The following DLGAP2 variants were observed in gnomAD, a reference collection of about 807,000 sequenced individuals.
DLGAP2 encodes the protein disks large-associated protein 2.
DLGAP2 carries 26 observed loss-of-function variants against 100.3 expected under a neutral mutation model. That is an observed-to-expected ratio of 0.26 (90% confidence interval 0.19 to 0.36). DLGAP2 has a LOEUF of 0.36. Ranked by LOEUF, DLGAP2 falls within the 10% of genes least tolerant of loss-of-function variation. DLGAP2 has a pLI of 1.00. For synonymous variants in DLGAP2, 886 were observed against 630.1 expected, an observed-to-expected ratio of 1.41 and a Z score of -6.08; for missense variants, 1,858 against 1,453.2, an observed-to-expected ratio of 1.28 and a Z score of -4.53.
At chr8:1,195,668 TTTG>T (rs141927508) in intron 2 of DLGAP2, among the ~76,000 whole-genome samples, 2,861 of 152,312 alleles carry the variant, frequency 0.019, 43 homozygotes, top group Middle Eastern at 0.034. Flanking sequence ...TCTCTTCTTT[TTTG>T]TTTATGGACG....
rs116716460 is a variant in DLGAP2, at chr8:1,199,631, G to A, written c.74-59220G>A. On this transcript the variant is annotated intron_variant, in intron 2 of 14. Coordinates refer to ENST00000637795, the MANE Select transcript of DLGAP2 (RefSeq NM_001346810.2). ...CCAAACTCATGCCAGCCAGATGGGC[G>A]CTAGAAAGTGAATGCTGTCCTTTTA... is the stretch of plus-strand genomic sequence containing the variant. Among the ~76,000 whole-genome samples, 1,243 of 152,256 alleles carry A rather than the reference G, an allele frequency of 8.2e-3. 16 individuals are homozygous for A. Among genetic ancestry groups the A allele is most frequent in the African/African-American group, 0.028 (1,171 of 41,548 alleles).
At chr8:1,504,972 G>T (rs771907554) in intron 4 of DLGAP2, among the ~76,000 whole-genome samples, 4 of 152,038 alleles carry the variant, frequency 2.6e-5, no homozygotes, top group Non-Finnish European at 5.9e-5. Flanking sequence ...CATATGAAAG[G>T]ATAATTAAGA....
intron 1 of DLGAP2, among the ~76,000 whole-genome samples, chr8:794,844 A>G (rs759145087): frequency 4.6e-4 from 70 of 151,954 alleles, no homozygotes; most frequent in Non-Finnish European, 8.2e-4. Flanking sequence ...TGAGGTTGGG[A>G]TGAACTGTTT....
intron 3 of DLGAP2, among the ~76,000 whole-genome samples, chr8:1,337,668 A>C (rs1347632444): frequency 1.3e-5 from 2 of 152,136 alleles, no homozygotes; most frequent in East Asian, 3.9e-4. Flanking sequence ...ATGTGACACC[A>C]AAAGCATAAG....
At chr8:1,589,473 G>T (rs1236746834) in intron 6 of DLGAP2, among the ~76,000 whole-genome samples, 1 of 152,162 alleles carries the variant, frequency 6.6e-6, no homozygotes, top group Non-Finnish European at 1.5e-5. Context: ...GTCTTGCTGT[G>T]TTGCCCAGGC....
At chr8:1,062,618 C>A (rs183057509) in intron 2 of DLGAP2, among the ~76,000 whole-genome samples, 2 of 152,162 alleles carry the variant, frequency 1.3e-5, no homozygotes, top group African/African-American at 2.4e-5. Context: ...CGCTTTCCCT[C>A]GATACTTTGC....
intron 3 of DLGAP2, among the ~76,000 whole-genome samples, chr8:1,320,149 C>T (rs1384359915): frequency 1.3e-5 from 2 of 152,034 alleles, no homozygotes; most frequent in Non-Finnish European, 2.9e-5. Flanking sequence ...AGGGGACGGC[C>T]TGTGTTCCAG....
intron 7 of DLGAP2, among the ~76,000 whole-genome samples, chr8:1,630,814 G>A (rs189220833): frequency 2.2e-3 from 337 of 152,176 alleles, no homozygotes; most frequent in Non-Finnish European, 3.9e-3. Context: ...TGTCCATGCC[G>A]TTTCCTCCTT....
chr8:1,610,111 A>G (rs1362716425), intron 6 of DLGAP2, among the ~76,000 whole-genome samples: 2 of 151,902 alleles, frequency 1.3e-5, no homozygotes, highest in South Asian at 4.2e-4. Flanking sequence ...CACCACACCT[A>G]TTCCAAAATT....
At chr8:1,590,209 A>G (rs1796250036) in intron 6 of DLGAP2, among the ~76,000 whole-genome samples, 1 of 152,150 alleles carries the variant, frequency 6.6e-6, no homozygotes, top group Non-Finnish European at 1.5e-5. Context: ...TTTCGTCTGC[A>G]GTGACCCTAT....
chr8:1,329,151 G>C (rs113112422), intron 3 of DLGAP2, among the ~76,000 whole-genome samples: 1 of 152,154 alleles, frequency 6.6e-6, no homozygotes, highest in African/African-American at 2.4e-5. Context: ...CACCAAACTG[G>C]GCCCAGATCA....
intron 3 of DLGAP2, among the ~76,000 whole-genome samples, chr8:1,467,016 G>T (rs1348631211): frequency 6.6e-6 from 1 of 152,144 alleles, no homozygotes; most frequent in Admixed American, 6.6e-5. Context: ...CAAGAAAGTG[G>T]GGGGGATGTG....
intron 1 of DLGAP2, among the ~76,000 whole-genome samples, chr8:879,556 C>T (rs1227715326): frequency 6.6e-6 from 1 of 152,196 alleles, no homozygotes; most frequent in Non-Finnish European, 1.5e-5. Flanking sequence ...CTTTGAACAT[C>T]TCTGGTTCCT....
intron 4 of DLGAP2, among the ~76,000 whole-genome samples, chr8:1,525,264 T>C (rs6991059): frequency 0.15 from 22,705 of 150,324 alleles, 1,858 homozygotes; most frequent in Non-Finnish European, 0.16. Flanking sequence ...CTTAAAGTCA[T>C]GAGTTCAAAA....
intron 2 of DLGAP2, among the ~76,000 whole-genome samples, chr8:923,262 T>C (rs1322057704): frequency 6.6e-6 from 1 of 152,170 alleles, no homozygotes; most frequent in Non-Finnish European, 1.5e-5. Context: ...TGTCATAATG[T>C]CTGTAAATGA....
intron 3 of DLGAP2, among the ~76,000 whole-genome samples, chr8:1,484,861 A>G (rs1162550963): frequency 6.6e-6 from 1 of 152,178 alleles, no homozygotes; most frequent in Non-Finnish European, 1.5e-5. Context: ...CTGGCAGCAG[A>G]GAGCAGACCT....
chr8:1,533,346 C>CA (rs368923797), intron 4 of DLGAP2, among the ~76,000 whole-genome samples: 152 of 148,354 alleles, frequency 1.0e-3, no homozygotes, highest in African/African-American at 3.1e-3. Flanking sequence ...AAAATACAAA[C>CA]AAAAAAAAAA....
At chr8:1,265,585 A>T (rs1385473757) in intron 3 of DLGAP2, among the ~76,000 whole-genome samples, 1 of 152,224 alleles carries the variant, frequency 6.6e-6, no homozygotes, top group East Asian at 1.9e-4. Context: ...GAAGAAATAT[A>T]CTGGGCCTCT....
In DLGAP2 at chr8:1,486,187, T is replaced by G. The variant is rs574663043; in HGVS notation, c.107-15179T>G. 1.1e-4 allele frequency among the ~76,000 whole-genome samples: 17 copies of G among 152,224 alleles called. 1 individual carries two copies. In the South Asian group the frequency reaches 3.3e-3, roughly 30 times the overall value. On this transcript the variant is annotated intron_variant, in intron 3 of 14. Transcript: ENST00000637795. ...AACAGCATGATGACCATCCTACAGA[T>G]AAGGAAACCAAGGCTTTCATTACTT...
Sources: gnomAD v4.1 joint callset for allele counts (sites outside exome capture counted in the v4.1 genomes callset) on GRCh38, gnomAD v4.1.1 for gene constraint, MANE v1.5 for transcripts, NCBI Gene and HGNC (gene_info 2026-07-23, HGNC 2026-07-21) for gene names.